The following SLC30A5 variants were observed in gnomAD, a reference collection of about 807,000 sequenced individuals.
The protein encoded by SLC30A5 is proton-coupled zinc antiporter SLC30A5.
A neutral mutation model predicts 79.6 loss-of-function variants in SLC30A5; 33 were observed. The observed-to-expected ratio is 0.41, with a 90% CI of 0.31 to 0.55. The LOEUF is 0.55. Ranked by LOEUF, SLC30A5 falls within the 20% of genes least tolerant of loss-of-function variation. SLC30A5 has a pLI of 0.20. For synonymous variants in SLC30A5, 299 were observed against 319.7 expected (o/e 0.94, Z 0.69); for missense variants, 788 against 928.1 (o/e 0.85, Z 1.96).
chr5:69,111,957 A>C (rs902634667), intron 5 of SLC30A5, among the ~76,000 whole-genome samples: 5 of 152,342 alleles, frequency 3.3e-5, no homozygotes, highest in Non-Finnish European at 7.4e-5. Context: ...AAGTATATGT[A>C]TCATACAAGA....
intron 6 of SLC30A5, 144 bp downstream of exon 6, chr5:69,113,371 G>A: frequency 1.8e-6 from 1 of 552,766 alleles, no homozygotes; most frequent in Non-Finnish European, 3.1e-6. Context: ...TTCTAAATCA[G>A]TATTCAAATA....
At chr5:69,124,466 T>C (rs928853714) in intron 14 of SLC30A5, among the ~76,000 whole-genome samples, 7 of 152,110 alleles carry the variant, frequency 4.6e-5, no homozygotes, top group Non-Finnish European at 8.8e-5. Context: ...CTTCTTTACT[T>C]TGTGGGGAAA....
rs902231581 is a variant in SLC30A5 at position 69,126,534 on chromosome 5, G to A, written c.1999-1470G>A. Among the ~76,000 whole-genome samples the A allele has an allele frequency of 3.9e-5, 6 of 152,182 alleles. 1 individual carries two copies. Among genetic ancestry groups the A allele is most frequent in the South Asian group, 2.1e-4 (1 of 4,826 alleles). The stretch of plus-strand genomic sequence containing the variant: ...TCCCAGAACTTTGGGAGGCCGAGGC[G>A]GGCGGATCACAAGGTCAGGAGTTTG... On this transcript the variant is annotated intron_variant, in intron 14 of 15. Coordinates refer to ENST00000396591, the MANE Select transcript of SLC30A5 (RefSeq NM_022902.5).
intron 4 of SLC30A5, among the ~76,000 whole-genome samples, chr5:69,107,875 G>A (rs775202803): frequency 5.3e-4 from 81 of 152,050 alleles, no homozygotes; most frequent in Non-Finnish European, 7.3e-4. Flanking sequence ...TGGGATTACA[G>A]GCATGTGCCA....
intron 5 of SLC30A5, among the ~76,000 whole-genome samples, chr5:69,109,882 G>A (rs761056327): frequency 2.1e-4 from 32 of 152,122 alleles, no homozygotes; most frequent in Non-Finnish European, 3.5e-4. Context: ...GTGGGCTAGG[G>A]AACCAGGCCG....
rs1030723706 is a variant in SLC30A5, at chr5:69,094,286, G to A, written c.31G>A (p.Ala11Thr). Residue 11 changes from alanine to threonine, a missense_variant, in exon 1 of 16, where the codon GCC (alanine) becomes ACC (threonine). Around this residue, in one of 3 missense-constraint regions of SLC30A5, gnomAD observed 626 missense variants for 755.5 expected, o/e 0.83. Transcript: ENST00000396591. ...GGAGAAATACGGCGGGGACGTGCTG[G>A]CCGGCCCCGGCGGCGGCGGCGGCCT... Reference protein sequence around the residue: MEEKYGGDVLAGPGGGGGLGP... With the variant: MEEKYGGDVLTGPGGGGGLGP... 7 of 1,261,724 alleles carry A rather than the reference G, an allele frequency of 5.5e-6. No homozygotes were observed. The highest frequency in any genetic ancestry group is 8.4e-5 in the Admixed American group (2 of 23,838). 78.2% of individuals were successfully genotyped at this position (1,261,724 alleles called of 1,614,324 possible).
chr5:69,122,015 C>A, intron 13 of SLC30A5, 120 bp downstream of exon 13: 1 of 720,850 alleles, frequency 1.4e-6, no homozygotes, highest in East Asian at 2.8e-5. Context: ...CAATCTGTGA[C>A]TAAAAGAAAG....
chr5:69,127,393 C>G (rs1402445982), intron 14 of SLC30A5, among the ~76,000 whole-genome samples: 1 of 150,110 alleles, frequency 6.7e-6, no homozygotes, highest in East Asian at 1.9e-4. Flanking sequence ...CTTCGGGAGG[C>G]TGAGGTGGGT....
rs558818863 is a variant in SLC30A5, at chr5:69,126,006, C to T, written c.1999-1998C>T. On this transcript the variant is annotated intron_variant, in intron 14 of 15. Coordinates refer to ENST00000396591, the MANE Select transcript of SLC30A5 (RefSeq NM_022902.5). ...AGAGGTTGCAGTGAGCCAAAAATCA[C>T]ACCACTGTACTCCAGCCTGGGCAAC... is the stretch of plus-strand genomic sequence containing the variant. Among the ~76,000 whole-genome samples the T allele has an allele frequency of 5.3e-5, 8 of 151,782 alleles. No individual in the cohort carries two copies. In the East Asian group the frequency reaches 1.6e-3, roughly 29 times the overall value.
intron 1 of SLC30A5, among the ~76,000 whole-genome samples, chr5:69,098,744 G>T (rs1367109058): frequency 6.6e-6 from 1 of 152,176 alleles, no homozygotes; most frequent in Non-Finnish European, 1.5e-5. Context: ...TGTGAAACAA[G>T]GATACCACTT....
chr5:69,129,556 T>C lies in SLC30A5; in HGVS notation c.2237T>C (p.Leu746Pro). 6.2e-7 allele frequency: 1 copy of C among 1,613,438 alleles called. No homozygotes were observed. The highest frequency in any genetic ancestry group is 2.2e-5 in the East Asian group (1 of 44,770). Residue 746 changes from leucine to proline, a missense_variant, in exon 16 of 16, where the codon CTG (leucine) becomes CCG (proline). Transcript: ENST00000396591. ...CTAAGTACTGGATTTCATGATGTTC[T>C]GGCTATGACAAAACAAATGGAATCC... is the stretch of plus-strand genomic sequence containing the variant. ...SGLSTGFHDVLAMTKQMESMK... is the reference protein window; with the variant it reads ...SGLSTGFHDVPAMTKQMESMK...
At chr5:69,113,077 G>T in intron 5 of SLC30A5, 63 bp from the exon 6 acceptor site, 1 of 1,315,466 alleles carries the variant, frequency 7.6e-7, no homozygotes, top group South Asian at 1.3e-5. Flanking sequence ...TATTTATGTA[G>T]TTACGGTCTT....
At chr5:69,109,426 C>T (rs1412728672) in intron 5 of SLC30A5, among the ~76,000 whole-genome samples, 2 of 151,250 alleles carry the variant, frequency 1.3e-5, no homozygotes, top group African/African-American at 2.4e-5. Flanking sequence ...ATTTTACATA[C>T]GATCGTGTGT....
intron 15 of SLC30A5, among the ~76,000 whole-genome samples, chr5:69,129,234 C>T (rs949153873): frequency 3.3e-5 from 5 of 152,086 alleles, no homozygotes; most frequent in African/African-American, 1.2e-4. Context: ...GTTGAGCATC[C>T]CTAATCTGAA....
At chr5:69,107,100 G>A (rs1746099925) in intron 4 of SLC30A5, among the ~76,000 whole-genome samples, 1 of 152,036 alleles carries the variant, frequency 6.6e-6, no homozygotes, top group African/African-American at 2.4e-5. Flanking sequence ...CTGGGCTCAA[G>A]GATCCACCCT....
At chr5:69,102,333 C>T (rs1201846205) in intron 2 of SLC30A5, among the ~76,000 whole-genome samples, 2 of 151,908 alleles carry the variant, frequency 1.3e-5, no homozygotes, top group African/African-American at 4.8e-5. Flanking sequence ...GGATTACAAG[C>T]TTGAGCCACT....
Position 69,118,645 on chromosome 5 carries a change from TC to T in SLC30A5, c.1569+19del. On this transcript the variant is annotated intron_variant, in intron 12 of 15. Transcript: ENST00000396591. Reference sequence around the variant, plus strand: ...ATGTTAACAGTAAGTCTTTTTATTTTCCTATTTGGATTTCTAGTCATACTTA... The same window carrying T: ...ATGTTAACAGTAAGTCTTTTTATTTTCTATTTGGATTTCTAGTCATACTTA... 1 of 1,556,650 alleles carries T rather than the reference TC, an allele frequency of 6.4e-7. No individual in the cohort carries two copies.
At chr5:69,115,167 A>AAAAAATT in intron 7 of SLC30A5, 70 bp from the exon 8 acceptor site, 2 of 743,900 alleles carry the variant, frequency 2.7e-6, no homozygotes, top group Non-Finnish European at 4.2e-6. Context: ...AAAAAAAAAG[A>AAAAAATT]TCATGTATTT....
At chr5:69,120,769 C>G (rs2111989027) in intron 12 of SLC30A5, among the ~76,000 whole-genome samples, 1 of 152,212 alleles carries the variant, frequency 6.6e-6, no homozygotes, top group Non-Finnish European at 1.5e-5. Flanking sequence ...AAATCTCTTA[C>G]TACTTTTGAA....
Sources: allele counts gnomAD v4.1 joint callset (sites outside exome capture counted in the v4.1 genomes callset), GRCh38; gene constraint gnomAD v4.1.1; regional missense constraint gnomAD v4.1.1; transcripts MANE v1.5; gene names NCBI Gene and HGNC (gene_info 2026-07-23, HGNC 2026-07-21).